The following MFHAS1 variants were observed in gnomAD, a reference collection of about 807,000 sequenced individuals.
MFHAS1 encodes the protein multifunctional ROCO family signaling regulator 1, also known as malignant fibrous histiocytoma-amplified sequence 1.
MFHAS1 carries 50 observed loss-of-function variants against 70.4 expected under a neutral mutation model. That is an observed-to-expected ratio of 0.71 (90% CI 0.57 to 0.90). MFHAS1 has a LOEUF of 0.90. Among genes scored for constraint, MFHAS1 ranks in the 40% least tolerant of loss-of-function variants. The pLI, the probability that MFHAS1 is intolerant of heterozygous loss-of-function variation, is 0.00. For missense variants in MFHAS1, 1,795 were observed against 1,347.6 expected (o/e 1.33, Z -5.20); for synonymous variants, 952 against 620.0 (o/e 1.54, Z -7.96).
intron 1 of MFHAS1, among the ~76,000 whole-genome samples, chr8:8,836,352 G>C (rs571264716): frequency 5.3e-5 from 8 of 152,026 alleles, no homozygotes; most frequent in African/African-American, 7.2e-5. Flanking sequence ...CTTAGAAAAA[G>C]TACCCAGCTT....
intron 1 of MFHAS1, among the ~76,000 whole-genome samples, chr8:8,840,571 G>C (rs985583798): frequency 6.6e-6 from 1 of 152,084 alleles, no homozygotes; most frequent in Non-Finnish European, 1.5e-5. Flanking sequence ...ACCCGACCCG[G>C]TAATGACATA....
At chr8:8,889,259 C>A (rs1809893382) in intron 1 of MFHAS1, among the ~76,000 whole-genome samples, 1 of 152,118 alleles carries the variant, frequency 6.6e-6, no homozygotes, top group Non-Finnish European at 1.5e-5. Context: ...CTCGAAACTG[C>A]CAGGAAATTC....
chr8:8,872,140 G>A (rs1018803529), intron 1 of MFHAS1, among the ~76,000 whole-genome samples: 1 of 152,252 alleles, frequency 6.6e-6, no homozygotes, highest in Non-Finnish European at 1.5e-5. Context: ...GGAGGCAAGG[G>A]AGCATGTGAC....
intron 1 of MFHAS1, among the ~76,000 whole-genome samples, chr8:8,811,554 C>T (rs1467091439): frequency 2.6e-5 from 4 of 152,116 alleles, no homozygotes; most frequent in South Asian, 2.1e-4. Context: ...CTGGGATTAC[C>T]GGCGTGAGCC....
At chr8:8,812,175 A>T (rs910232782) in intron 1 of MFHAS1, among the ~76,000 whole-genome samples, 1 of 52,336 alleles carries the variant, frequency 1.9e-5, no homozygotes, top group Non-Finnish European at 5.1e-5. Flanking sequence ...GAAGCCCGTA[A>T]GTGTAGTGCA....
chr8:8,892,705 C>T lies in MFHAS1; in HGVS notation c.354G>A (p.Val118=), dbSNP rs1239602314. 1 of 1,581,426 alleles carries T rather than the reference C, an allele frequency of 6.3e-7. No homozygotes were observed. Among genetic ancestry groups the T allele is most frequent in the South Asian group, 1.1e-5 (1 of 86,964 alleles). The part of the protein sequence containing the change: ...ELGHHLTELD[V]SHNRLTALGA... ...CCAGGGCGGTCAGCCGGTTGTGGCTCACGTCCAGCTCGGTGAGGTGGTGGC... is the reference window on the plus strand; with the variant it reads ...CCAGGGCGGTCAGCCGGTTGTGGCTTACGTCCAGCTCGGTGAGGTGGTGGC... Residue 118 remains valine (V), a synonymous_variant, in exon 1 of 3, where the codon GTG becomes GTA. Transcript: ENST00000276282. The surrounding 1 kb of genome is among the most constrained non-coding windows in gnomAD (Gnocchi z 4.7).
intron 1 of MFHAS1, among the ~76,000 whole-genome samples, chr8:8,860,967 T>G (rs532108973): frequency 6.6e-6 from 1 of 152,334 alleles, no homozygotes; most frequent in South Asian, 2.1e-4. Flanking sequence ...ATCACTGCAA[T>G]GGACATGACA....
At chr8:8,858,297 T>G (rs1345275233) in intron 1 of MFHAS1, among the ~76,000 whole-genome samples, 1 of 152,210 alleles carries the variant, frequency 6.6e-6, no homozygotes, top group Non-Finnish European at 1.5e-5. Context: ...GACATAAATT[T>G]TGCTTTTTTA....
At chr8:8,808,727 A>G (rs1401365610) in intron 1 of MFHAS1, among the ~76,000 whole-genome samples, 3 of 152,224 alleles carry the variant, frequency 2.0e-5, no homozygotes, top group Non-Finnish European at 4.4e-5. Flanking sequence ...AAGACATTAC[A>G]TTTGTGGGCA....
intron 1 of MFHAS1, among the ~76,000 whole-genome samples, chr8:8,886,571 A>C (rs1474379275): frequency 6.6e-6 from 1 of 152,204 alleles, no homozygotes; most frequent in African/African-American, 2.4e-5. Flanking sequence ...ATCCAACAGG[A>C]CAAGGCCAAA....
chr8:8,804,015 C>T (rs901437959), intron 1 of MFHAS1, among the ~76,000 whole-genome samples: 5 of 152,066 alleles, frequency 3.3e-5, no homozygotes, highest in African/African-American at 9.7e-5. Flanking sequence ...GGAGGATGTT[C>T]GTAGGTTATG....
intron 1 of MFHAS1, among the ~76,000 whole-genome samples, chr8:8,839,785 C>T (rs949535550): frequency 2.6e-5 from 4 of 152,086 alleles, no homozygotes; most frequent in African/African-American, 7.2e-5. Context: ...CAAAGAGTAA[C>T]GGTCACCTGG....
intron 1 of MFHAS1, among the ~76,000 whole-genome samples, chr8:8,862,002 T>C (rs1359364059): frequency 6.6e-6 from 1 of 152,232 alleles, no homozygotes; most frequent in Non-Finnish European, 1.5e-5. Flanking sequence ...TGAACATTTG[T>C]GTATCTTTTT....
At chr8:8,834,415 C>CA (rs1807523755) in intron 1 of MFHAS1, among the ~76,000 whole-genome samples, 1 of 152,226 alleles carries the variant, frequency 6.6e-6, no homozygotes, top group South Asian at 2.1e-4. Flanking sequence ...GAGACACTTC[C>CA]AGTACGCAGG....
rs761918816 is a variant in MFHAS1 at position 8,890,514 on chromosome 8, T to C, written c.2545A>G (p.Lys849Glu). The change falls in exon 1 of 3, where the codon AAG becomes GAG. Residue 849 changes from lysine to glutamate, a missense_variant. Physicochemically the swap from Lys to Glu is moderately conservative, Grantham distance 56 (BLOSUM62 1). Coordinates refer to ENST00000276282, the MANE Select transcript of MFHAS1 (RefSeq NM_004225.3). ...TCGTTCTGCACATAGCATGGGAACTTGTACCAAGCTGTGGACCCATTCAAA... is the reference window on the plus strand; with the variant it reads ...TCGTTCTGCACATAGCATGGGAACTCGTACCAAGCTGTGGACCCATTCAAA... ...KPLNGSTAWYKFPCYVQNEVP... is the reference protein window; with the variant it reads ...KPLNGSTAWYEFPCYVQNEVP... 5 of 1,613,496 alleles carry C rather than the reference T, an allele frequency of 3.1e-6. No homozygotes were observed. The Admixed American group carries it at 5.0e-5, about 16-fold the overall frequency.
Position 8,786,018 on chromosome 8 carries a change from A to G in MFHAS1, c.*4T>C. ...TCTCCATGGAAATTCCACAGCCACAAACGTCACTGGTTTCTGTGCTTTTCA... is the reference window on the plus strand; with the variant it reads ...TCTCCATGGAAATTCCACAGCCACAGACGTCACTGGTTTCTGTGCTTTTCA... On this transcript the variant is annotated 3_prime_UTR_variant, in exon 3 of 3. Transcript: ENST00000276282. 1.9e-6 allele frequency: 3 copies of G among 1,614,136 alleles called. No individual in the cohort carries two copies. Among genetic ancestry groups the G allele is most frequent in the Non-Finnish European group, 2.5e-6 (3 of 1,179,998 alleles).
At chr8:8,832,054 G>GCATACA in intron 1 of MFHAS1, among the ~76,000 whole-genome samples, 1 of 112,666 alleles carries the variant, frequency 8.9e-6, no homozygotes, top group South Asian at 2.6e-4. Flanking sequence ...ATGCACGCGC[G>GCATACA]CGCGCGCGCA....
chr8:8,833,071 A>C (rs1807466605), intron 1 of MFHAS1, among the ~76,000 whole-genome samples: 1 of 152,124 alleles, frequency 6.6e-6, no homozygotes, highest in African/African-American at 2.4e-5. Context: ...ACATGGCAGG[A>C]GCAGGAGGAA....
chr8:8,804,072 C>G (rs1428862941), intron 1 of MFHAS1, among the ~76,000 whole-genome samples: 3 of 152,200 alleles, frequency 2.0e-5, no homozygotes, highest in Non-Finnish European at 4.4e-5. Context: ...CATCCAAAGA[C>G]TTTGGTACCC....
Sources: allele counts gnomAD v4.1 joint callset (sites outside exome capture counted in the v4.1 genomes callset), GRCh38; gene constraint gnomAD v4.1.1; non-coding constraint Gnocchi (gnomAD v3.1); transcripts MANE v1.5; gene names NCBI Gene and HGNC (gene_info 2026-07-23, HGNC 2026-07-21).